Variants in GTF2E2 observed in about 807,000 individuals in gnomAD.
GTF2E2 encodes transcription initiation factor IIE subunit beta.
In GTF2E2, 21 loss-of-function variants were observed where a neutral mutation model predicts 40.5. That is an observed-to-expected ratio of 0.52 (90% CI 0.37 to 0.75). GTF2E2 has a LOEUF of 0.75. Among genes scored for constraint, GTF2E2 ranks in the 30% least tolerant of loss-of-function variants. GTF2E2 has a pLI of 0.00. For synonymous variants in GTF2E2, 117 were observed against 121.6 expected, an observed-to-expected ratio of 0.96 and a Z score of 0.25; for missense variants, 298 against 338.4, an observed-to-expected ratio of 0.88 and a Z score of 0.94.
chr8:30,626,039 A>G (rs76679463), intron 3 of GTF2E2, among the ~76,000 whole-genome samples: 2,038 of 152,278 alleles, frequency 0.013, 20 homozygotes, highest in Non-Finnish European at 0.021. Flanking sequence ...CTTCCTTCAC[A>G]CAGTGCCACT....
At chr8:30,619,067 G>A (rs893508852) in intron 3 of GTF2E2, among the ~76,000 whole-genome samples, 9 of 151,460 alleles carry the variant, frequency 5.9e-5, no homozygotes, top group South Asian at 2.1e-4. Flanking sequence ...CTCAGCCTCC[G>A]AGTAGCTGAG....
intron 5 of GTF2E2, among the ~76,000 whole-genome samples, chr8:30,610,915 T>C (rs187080797): frequency 2.0e-5 from 3 of 152,160 alleles, no homozygotes; most frequent in African/African-American, 7.2e-5. Flanking sequence ...TATTTGCAAA[T>C]CATGTATCTG....
In GTF2E2 at chr8:30,589,082, T is replaced by A. The variant is rs182077371; in HGVS notation, c.644-8686A>T. Among the ~76,000 whole-genome samples, 1,035 of 151,608 alleles carry A rather than the reference T, an allele frequency of 6.8e-3. 15 individuals carry two copies. Among genetic ancestry groups the A allele is most frequent in the African/African-American group, 0.023 (968 of 41,280 alleles). Reference sequence around the variant, plus strand: ...GCCTGACCAACATGGTGAAACCCCATCTCTACTAAAAATGCAAAAAAAAAA... The same window carrying A: ...GCCTGACCAACATGGTGAAACCCCAACTCTACTAAAAATGCAAAAAAAAAA... On this transcript the variant is annotated intron_variant, in intron 6 of 7. Transcript: ENST00000355904.
chr8:30,591,630 G>A (rs1828854644), intron 6 of GTF2E2, among the ~76,000 whole-genome samples: 1 of 152,242 alleles, frequency 6.6e-6, no homozygotes, highest in Admixed American at 6.5e-5. Flanking sequence ...TAAAATCAGT[G>A]TTGGCAAGGG....
intron 6 of GTF2E2, among the ~76,000 whole-genome samples, chr8:30,604,188 A>G (rs574294380): frequency 3.7e-4 from 56 of 152,288 alleles, no homozygotes; most frequent in Middle Eastern, 3.4e-3. Flanking sequence ...CTGACAAAGC[A>G]CACAAAAAAG....
intron 6 of GTF2E2, among the ~76,000 whole-genome samples, chr8:30,598,270 C>T (rs1448212576): frequency 6.6e-6 from 1 of 152,194 alleles, no homozygotes; most frequent in Non-Finnish European, 1.5e-5. Context: ...CTTTGCCTTT[C>T]TACCTGATAT....
chr8:30,628,400 T>C (rs1030169236), intron 3 of GTF2E2, among the ~76,000 whole-genome samples: 2 of 152,100 alleles, frequency 1.3e-5, no homozygotes, highest in Non-Finnish European at 2.9e-5. Context: ...AAGACAAAAA[T>C]ATTCTCCTGT....
chr8:30,608,208 C>T (rs895353631), intron 5 of GTF2E2, among the ~76,000 whole-genome samples: 1 of 152,156 alleles, frequency 6.6e-6, no homozygotes, highest in African/African-American at 2.4e-5. Context: ...AATAAAGTCT[C>T]AAGCTATGGA....
intron 1 of GTF2E2, among the ~76,000 whole-genome samples, chr8:30,653,973 C>A (rs556745536): frequency 5.9e-5 from 9 of 151,912 alleles, no homozygotes; most frequent in African/African-American, 2.2e-4. Flanking sequence ...CTTACAGTCC[C>A]AGCTACTCGG....
At chr8:30,619,552 C>T (rs1801024787) in intron 3 of GTF2E2, among the ~76,000 whole-genome samples, 1 of 151,744 alleles carries the variant, frequency 6.6e-6, no homozygotes, top group African/African-American at 2.4e-5. Flanking sequence ...CAACACCTGG[C>T]TAATTTTTGT....
chr8:30,653,693 AC>A, intron 1 of GTF2E2, 91 bp from the exon 2 acceptor site: 1 of 834,402 alleles, frequency 1.2e-6, no homozygotes. Context: ...TACTTCCCAA[AC>A]AAAATTACCT....
intron 2 of GTF2E2, among the ~76,000 whole-genome samples, chr8:30,639,655 T>G (rs2978264): frequency 0.031 from 4,647 of 152,276 alleles, 100 homozygotes; most frequent in African/African-American, 0.048. Flanking sequence ...GCATGAAAAT[T>G]TAGTTATTTA....
intron 3 of GTF2E2, among the ~76,000 whole-genome samples, chr8:30,619,465 C>G (rs1489894165): frequency 6.6e-6 from 1 of 151,124 alleles, no homozygotes; most frequent in Non-Finnish European, 1.5e-5. Context: ...CTCGGCTCAC[C>G]GCAACCGCCA....
At chr8:30,645,862 T>G (rs1802056297) in intron 2 of GTF2E2, 1 of 332,680 alleles carries the variant, frequency 3.0e-6, no homozygotes, top group Non-Finnish European at 5.5e-6. Context: ...TTCCTAGAGT[T>G]CAATATTAAG....
At position 30,619,230 on chromosome 8, in the gene GTF2E2, G is replaced by A. The variant is rs557390447; in HGVS notation, c.259-4515C>T. The stretch of plus-strand genomic sequence containing the variant: ...GTTGGGATTACAGGCATGAGCCACC[G>A]TGCCCAGTCTACTTCAATAGTTTTA... On this transcript the variant is annotated intron_variant, in intron 3 of 7. Coordinates refer to ENST00000355904, the MANE Select transcript of GTF2E2 (RefSeq NM_002095.6). Among the ~76,000 whole-genome samples, 31 of 152,066 alleles carry A rather than the reference G, an allele frequency of 2.0e-4. 1 individual carries two copies. The highest frequency in any genetic ancestry group is 3.5e-4 in the Non-Finnish European group (24 of 68,018).
intron 4 of GTF2E2, among the ~76,000 whole-genome samples, chr8:30,613,152 G>C (rs1408439246): frequency 6.6e-6 from 1 of 152,178 alleles, no homozygotes; most frequent in African/African-American, 2.4e-5. Context: ...AATAGACAAA[G>C]TGAACTGAGT....
chr8:30,625,619 GT>G (rs1040801624), intron 3 of GTF2E2, among the ~76,000 whole-genome samples: 4 of 151,198 alleles, frequency 2.6e-5, no homozygotes, highest in African/African-American at 9.8e-5. Context: ...GTTGTTTTTT[GT>G]TTTTTGTTTT....
In GTF2E2 at chr8:30,580,467, G is replaced by C. The variant is rs554107257; in HGVS notation, c.644-71C>G. 83 of 870,500 alleles carry C rather than the reference G, an allele frequency of 9.5e-5. No individual in the cohort carries two copies. The East Asian group carries it at 1.8e-3, about 19-fold the overall frequency. 53.9% of individuals were successfully genotyped at this position (870,500 alleles called of 1,614,324 possible). A position where few individuals can be genotyped will look rare whatever the true frequency, so the allele number is the denominator to read the frequency against. ...CTATAGCATCTTGATCAAAATCCAG[G>C]TTTCAGTGTTATCTCCTCTGGATCC... On this transcript the variant is annotated intron_variant, in intron 6 of 7. Transcript: ENST00000355904.
chr8:30,621,792 C>T (rs891493316), intron 3 of GTF2E2, among the ~76,000 whole-genome samples: 5 of 151,954 alleles, frequency 3.3e-5, no homozygotes, highest in Non-Finnish European at 5.9e-5. Flanking sequence ...TTTACTTCTT[C>T]CTTTCCAATT....
Sources: gnomAD v4.1 joint callset for allele counts (sites outside exome capture counted in the v4.1 genomes callset) on GRCh38, gnomAD v4.1.1 for gene constraint, MANE v1.5 for transcripts, NCBI Gene and HGNC (gene_info 2026-07-23, HGNC 2026-07-21) for gene names.